Variants in DLGAP3 observed in about 807,000 individuals in gnomAD.
DLGAP3 encodes DLG associated protein 3.
In DLGAP3, 17 loss-of-function variants were observed where a neutral mutation model predicts 81.2. The observed-to-expected ratio is 0.21, with a 90% CI of 0.14 to 0.31. The LOEUF (loss-of-function observed/expected upper bound fraction) is 0.31, where lower values mean the gene tolerates loss of function less well. DLGAP3 is among the 10% of genes least tolerant of loss of function. The pLI is 1.00. For missense variants in DLGAP3, 1,124 were observed against 1,388.0 expected, an observed-to-expected ratio of 0.81 and a Z score of 3.02; for synonymous variants, 577 against 587.4, an observed-to-expected ratio of 0.98 and a Z score of 0.26.
chr1:34,900,098 C>T lies in DLGAP3; in HGVS notation c.1283G>A (p.Arg428His), dbSNP rs1159145122. The change falls in exon 4 of 12, where the codon CGC becomes CAC. Residue 428 changes from arginine to histidine, a missense_variant. Physicochemically the swap from Arg to His is conservative, Grantham distance 29. Coordinates refer to ENST00000373347, the MANE Select transcript of DLGAP3 (RefSeq NM_001080418.3). This position sits in a 1 kb window ranked among gnomAD's most constrained non-coding sequence, Gnocchi z 5.6. Reference protein sequence around the residue: ...KAVARRFTTRRSSSVDQARIN... With the variant: ...KAVARRFTTRHSSSVDQARIN... ...CCTGGCCTGGTCCACGCTGGAGGAG[C>T]GACGGGTGGTGAAGCGTCGGGCGAC... 2.5e-6 allele frequency: 4 copies of T among 1,613,718 alleles called. No individual in the cohort carries two copies. Among genetic ancestry groups the T allele is most frequent in the East Asian group, 2.2e-5 (1 of 44,878 alleles).
At chr1:34,909,701 G>A (rs1305473615) in intron 1 of DLGAP3, among the ~76,000 whole-genome samples, 2 of 151,924 alleles carry the variant, frequency 1.3e-5, no homozygotes, top group Non-Finnish European at 2.9e-5. Flanking sequence ...TATGCTTTAT[G>A]ATCACATTCC....
At position 34,904,765 on chromosome 1, in the gene DLGAP3, C is replaced by G; in HGVS notation, c.619G>C (p.Gly207Arg). ...GPKAEGRGGS[G>R]GDSYPGPGSG... is the part of the protein sequence containing the mutation. ...CCCGGGCCGGGGTAGCTGTCTCCTC[C>G]AGAGCCACCTCTTCCCTCAGCCTTG... The change falls in exon 3 of 12, where the codon GGA (glycine) becomes CGA (arginine). Residue 207 changes from glycine (G) to arginine (R), a missense_variant. Transcript: ENST00000373347. This position sits in a 1 kb window ranked among gnomAD's most constrained non-coding sequence, Gnocchi z 8.1. The G allele has an allele frequency of 6.2e-7, 1 of 1,611,378 alleles. No homozygotes were observed.
chr1:34,925,014 T>G (rs1639847650), intron 1 of DLGAP3, among the ~76,000 whole-genome samples: 1 of 152,004 alleles, frequency 6.6e-6, no homozygotes, highest in Admixed American at 6.6e-5. Flanking sequence ...CCCCGCCGAA[T>G]CCCACTCAGC....
intron 8 of DLGAP3, among the ~76,000 whole-genome samples, chr1:34,875,160 G>A (rs2148395890): frequency 6.6e-6 from 1 of 152,132 alleles, no homozygotes; most frequent in East Asian, 1.9e-4. Context: ...AACTTAATGG[G>A]TATGGAAGCT....
At chr1:34,924,202 G>T (rs77386617) in intron 1 of DLGAP3, among the ~76,000 whole-genome samples, 8,082 of 152,220 alleles carry the variant, frequency 0.053, 289 homozygotes, top group Non-Finnish European at 0.084. Flanking sequence ...TAAGGAGAAA[G>T]ATATCCAAGA....
intron 5 of DLGAP3, 95 bp downstream of exon 5, chr1:34,899,574 C>A: frequency 8.8e-7 from 1 of 1,139,682 alleles, no homozygotes; most frequent in Non-Finnish European, 1.3e-6. Context: ...TGAGCTCTCT[C>A]CACAGGCAGA....
chr1:34,885,455 G>C (rs1185158543), intron 7 of DLGAP3, 23 bp downstream of exon 7: 7 of 1,603,646 alleles, frequency 4.4e-6, no homozygotes, highest in Non-Finnish European at 5.9e-6. Flanking sequence ...CAGAGCCCTC[G>C]TGGGCGCCTC....
chr1:34,868,720 G>A lies in DLGAP3; in HGVS notation c.2370C>T (p.Pro790=). The A allele has an allele frequency of 6.2e-7, 1 of 1,610,340 alleles. No homozygotes were observed. The highest frequency in any genetic ancestry group is 8.5e-7 in the Non-Finnish European group (1 of 1,179,960). ...RSLPDSGRAS[P]CPRDGEWFIK... ...TGAACCACTCGCCGTCGCGTGGGCAGGGGGATGCGCGGCCTGAGTCGGGGA... is the reference window on the plus strand; with the variant it reads ...TGAACCACTCGCCGTCGCGTGGGCAAGGGGATGCGCGGCCTGAGTCGGGGA... Residue 790 remains proline, a synonymous_variant, in exon 9 of 12, where the codon CCC becomes CCT. Transcript: ENST00000373347. The surrounding 1 kb of genome is among the most constrained non-coding windows in gnomAD (Gnocchi z 7.5).
intron 1 of DLGAP3, among the ~76,000 whole-genome samples, chr1:34,915,518 G>C (rs1639703149): frequency 6.6e-6 from 1 of 152,204 alleles, no homozygotes; most frequent in South Asian, 2.1e-4. Context: ...TTGGTGTCCA[G>C]AGCTTGGGAC....
chr1:34,865,476 G>T lies in DLGAP3; in HGVS notation c.*607C>A, dbSNP rs541774456. 6.3e-6 allele frequency: 1 copy of T among 159,048 alleles called. No individual in the cohort carries two copies. The highest frequency in any genetic ancestry group is 2.4e-5 in the African/African-American group (1 of 41,470). The allele number at this position is 159,048 out of a possible 1,614,324, so 9.9% of individuals were successfully genotyped here. A position where few individuals can be genotyped will look rare whatever the true frequency, so the allele number is the denominator to read the frequency against. On this transcript the variant is annotated 3_prime_UTR_variant, in exon 12 of 12. Coordinates refer to ENST00000373347, the MANE Select transcript of DLGAP3 (RefSeq NM_001080418.3). ...TTATTTTTCCTGGGATATTCAAGGG[G>T]ATGTGGGAACAGCCACAGGTGTGGT...
rs1019819055 is a variant in DLGAP3, at chr1:34,899,701, G to C, written c.1354C>G (p.Pro452Ala). 1 of 1,613,956 alleles carries C rather than the reference G, an allele frequency of 6.2e-7. No homozygotes were observed. The highest frequency in any genetic ancestry group is 1.3e-5 in the African/African-American group (1 of 74,918). The change falls in exon 5 of 12, where the codon CCT becomes GCT. Residue 452 changes from proline (P) to alanine (A), a missense_variant. Physicochemically the swap from Pro to Ala is conservative, Grantham distance 27 (BLOSUM62 -1). Transcript: ENST00000373347. The part of the protein sequence containing the change: ...PPRIHPRSSI[P>A]GYSRSLTTGQ... ...GTGGTGAGGGAACGGCTGTAGCCAG[G>C]GATGGAGCTCCGGGGGTGGATCCGG... is the stretch of plus-strand genomic sequence containing the variant.
intron 1 of DLGAP3, among the ~76,000 whole-genome samples, chr1:34,917,163 C>G (rs1459250458): frequency 6.6e-6 from 1 of 152,114 alleles, no homozygotes; most frequent in Non-Finnish European, 1.5e-5. Context: ...TGTTCATTCA[C>G]AAATTAACAG....
rs1639504174 is a variant in DLGAP3 at position 34,904,150 on chromosome 1, G to A, written c.1107+127C>T. 8 of 1,185,384 alleles carry A rather than the reference G, an allele frequency of 6.7e-6. No homozygotes were observed. The Admixed American group carries it at 6.8e-5, about 10-fold the overall frequency. 73.4% of individuals were successfully genotyped at this position (1,185,384 alleles called of 1,614,324 possible). A position where few individuals can be genotyped will look rare whatever the true frequency, so the allele number is the denominator to read the frequency against. Reference sequence around the variant, plus strand: ...GAGTGACCCAATGGGGCAGGGCAGAGCCTCCCTACACCCAGGCCCTCCATC... The same window carrying A: ...GAGTGACCCAATGGGGCAGGGCAGAACCTCCCTACACCCAGGCCCTCCATC... On this transcript the variant is annotated intron_variant, in intron 3 of 11. Coordinates refer to ENST00000373347, the MANE Select transcript of DLGAP3 (RefSeq NM_001080418.3). The surrounding 1 kb of genome is among the most constrained non-coding windows in gnomAD (Gnocchi z 8.1).
Position 34,904,507 on chromosome 1 carries a change from C to A in DLGAP3, c.877G>T (p.Asp293Tyr), listed in dbSNP as rs1282964616. Residue 293 changes from aspartate to tyrosine, a missense_variant, in exon 3 of 12, where the codon GAT (aspartate) becomes TAT (tyrosine). Asp to Tyr is a radical substitution (Grantham distance 160, BLOSUM62 -3). Coordinates refer to ENST00000373347, the MANE Select transcript of DLGAP3 (RefSeq NM_001080418.3). The surrounding 1 kb of genome is among the most constrained non-coding windows in gnomAD (Gnocchi z 8.1). ...AAGCTCAAGTCCCGGTAGGACCCAT[C>A]TGGACCCTCCAGGCAGAAGGGACCA... ...PGGPFCLEGP[D>Y]GSYRDLSFKG... The A allele has an allele frequency of 6.2e-7, 1 of 1,614,248 alleles. No individual in the cohort carries two copies. Among genetic ancestry groups the A allele is most frequent in the South Asian group, 1.1e-5 (1 of 91,088 alleles).
intron 5 of DLGAP3, among the ~76,000 whole-genome samples, chr1:34,892,067 T>C (rs1295468429): frequency 6.6e-6 from 1 of 152,196 alleles, no homozygotes; most frequent in Admixed American, 6.5e-5. Context: ...AAGGCAGCTA[T>C]TATAAATATA....
Position 34,866,254 on chromosome 1 carries a change from G to A in DLGAP3, c.2769C>T (p.Gly923=). Residue 923 remains glycine, a synonymous_variant, in exon 12 of 12, where the codon GGC becomes GGT. Coordinates refer to ENST00000373347, the MANE Select transcript of DLGAP3 (RefSeq NM_001080418.3). The part of the protein sequence containing the change: ...PPPIPKKPLR[G]RGVPVKERSL... ...AGCGCTCCTTCACCGGCACGCCCCG[G>A]CCCCGCAGGGGCTTCTTTGGTATCG... The A allele has an allele frequency of 1.3e-6, 2 of 1,560,598 alleles. No homozygotes were observed. Among genetic ancestry groups the A allele is most frequent in the Non-Finnish European group, 1.7e-6 (2 of 1,155,524 alleles).
rs773502530 is a variant in DLGAP3 at position 34,904,473 on chromosome 1, C to T, written c.911G>A (p.Arg304His). Residue 304 changes from arginine (R) to histidine (H), a missense_variant, in exon 3 of 12, where the codon CGC becomes CAC. By Grantham distance (29) the Arg-to-His change is conservative. This residue lies in a region of DLGAP3 where 357 missense variants were observed against 408.8 expected (regional missense o/e 0.87). Transcript: ENST00000373347. The surrounding 1 kb of genome is among the most constrained non-coding windows in gnomAD (Gnocchi z 8.1). Reference sequence around the variant, plus strand: ...GCAGCGGCCTTCCGACCCGCCCGAGCGCCCCTTGAAGCTCAAGTCCCGGTA... The same window carrying T: ...GCAGCGGCCTTCCGACCCGCCCGAGTGCCCCTTGAAGCTCAAGTCCCGGTA... ...GSYRDLSFKG[R>H]SGGSEGRCLA... 14 of 1,614,176 alleles carry T rather than the reference C, an allele frequency of 8.7e-6. No homozygotes were observed. The highest frequency in any genetic ancestry group is 1.1e-5 in the South Asian group (1 of 91,092).
Position 34,868,647 on chromosome 1 carries a change from G to T in DLGAP3, c.2443C>A (p.Gln815Lys). The stretch of plus-strand genomic sequence containing the variant: ...TAGTCCTCCGCCTCACGCTCCATCT[G>T]CTGGCACCAGTGCTCCAGCTTCTCC... ...EVEKLEHWCQ[Q>K]MEREAEDYEL... The change falls in exon 9 of 12, where the codon CAG becomes AAG. Residue 815 changes from glutamine to lysine, a missense_variant. By Grantham distance (53) the Gln-to-Lys change is moderately conservative. Around this residue, in one of 9 missense-constraint regions of DLGAP3, gnomAD observed 379 missense variants for 455.7 expected, o/e 0.83. Coordinates refer to ENST00000373347, the MANE Select transcript of DLGAP3 (RefSeq NM_001080418.3). The surrounding 1 kb of genome is among the most constrained non-coding windows in gnomAD (Gnocchi z 7.5). The T allele has an allele frequency of 6.2e-7, 1 of 1,613,018 alleles. No individual in the cohort carries two copies.
intron 1 of DLGAP3, among the ~76,000 whole-genome samples, chr1:34,922,782 C>T (rs1024484167): frequency 2.0e-5 from 3 of 152,186 alleles, no homozygotes; most frequent in Non-Finnish European, 4.4e-5. Flanking sequence ...TATCCAGCCC[C>T]TCCCCTGGCT....
Sources: gnomAD v4.1 joint callset for allele counts (sites outside exome capture counted in the v4.1 genomes callset) on GRCh38, gnomAD v4.1.1 for gene constraint, gnomAD v4.1.1 regional missense constraint, Gnocchi (gnomAD v3.1) non-coding constraint, MANE v1.5 for transcripts, NCBI Gene and HGNC (gene_info 2026-07-23, HGNC 2026-07-21) for gene names.